NBEAL2: variants seen among roughly 807,000 people sequenced by gnomAD.
NBEAL2 encodes the protein neurobeachin-like protein 2.
NBEAL2 carries 160 observed loss-of-function variants against 299.8 expected under a neutral mutation model. The observed-to-expected ratio is 0.53, with a 90% CI of 0.47 to 0.61. The LOEUF is 0.61. NBEAL2 is among the 20% of genes least tolerant of loss of function. The pLI, the probability that NBEAL2 is intolerant of heterozygous loss-of-function variation, is 0.00. For synonymous variants in NBEAL2, 1,493 were observed against 1,542.3 expected, an observed-to-expected ratio of 0.97 and a Z score of 0.75; for missense variants, 3,112 against 3,649.0, an observed-to-expected ratio of 0.85 and a Z score of 3.79.
Position 46,991,394 on chromosome 3 carries a change from C to G in NBEAL2, c.643-12C>G. The G allele has an allele frequency of 1.3e-6, 2 of 1,596,692 alleles. No individual in the cohort carries two copies. Among genetic ancestry groups the G allele is most frequent in the East Asian group, 4.5e-5 (2 of 44,172 alleles). On this transcript the variant is annotated splice_polypyrimidine_tract_variant and intron_variant, in intron 7 of 53. Coordinates refer to ENST00000450053, the MANE Select transcript of NBEAL2 (RefSeq NM_015175.3). This position sits in a 1 kb window ranked among gnomAD's most constrained non-coding sequence, Gnocchi z 6.2. ...CCCCTTGCCCACTGCCCATCTCTGT[C>G]CACACCTGCAGGAGAACGGGCAGAT...
intron 1 of NBEAL2, among the ~76,000 whole-genome samples, chr3:46,983,516 G>T (rs577463145): frequency 6.6e-6 from 1 of 152,130 alleles, no homozygotes; most frequent in African/African-American, 2.4e-5. Context: ...CACTATGTTG[G>T]CTAGGCTGCT....
Position 47,008,576 on chromosome 3 carries a change from C to G in NBEAL2, c.7935C>G (p.Pro2645=). The G allele has an allele frequency of 6.2e-7, 1 of 1,613,684 alleles. No homozygotes were observed. Among genetic ancestry groups the G allele is most frequent in the Admixed American group, 1.7e-5 (1 of 60,030 alleles). ...ATGGGAAGTTGCGGGCTTCACTGCC[C>G]CTGGCAGAGCAGCCTACAGCCCTGA... is the stretch of plus-strand genomic sequence containing the variant. ...SVNGKLRASL[P]LAEQPTALTV... Residue 2645 remains proline (P), a synonymous_variant, in exon 52 of 54, where the codon CCC becomes CCG. Transcript: ENST00000450053.
At position 46,983,616 on chromosome 3, in the gene NBEAL2, T is replaced by C. The variant is rs186745739; in HGVS notation, c.51+3704T>C. ...AGCCACCGCACCTGGCTTTATCTGGTCATATCCTTTTTGGGCTTCAGTTTA... is the reference window on the plus strand; with the variant it reads ...AGCCACCGCACCTGGCTTTATCTGGCCATATCCTTTTTGGGCTTCAGTTTA... On this transcript the variant is annotated intron_variant, in intron 1 of 53. Transcript: ENST00000450053. Among the ~76,000 whole-genome samples the C allele has an allele frequency of 1.6e-4, 25 of 152,252 alleles. 1 individual carries two copies. The East Asian group carries it at 4.6e-3, about 28-fold the overall frequency.
rs747127973 is a variant in NBEAL2 at position 47,003,186 on chromosome 3, T to A, written c.5597T>A (p.Leu1866Gln). The A allele has an allele frequency of 1.2e-6, 2 of 1,609,144 alleles. No homozygotes were observed. The highest frequency in any genetic ancestry group is 2.2e-5 in the South Asian group (2 of 90,844). The change falls in exon 35 of 54, where the codon CTG becomes CAG. Residue 1866 changes from leucine (L) to glutamine (Q), a missense_variant. By Grantham distance (113) the Leu-to-Gln change is moderately radical. Transcript: ENST00000450053. The surrounding 1 kb of genome is among the most constrained non-coding windows in gnomAD (Gnocchi z 7.0). ...TGGCCCCTTGCAGGTGAGGTTCCCC[T>A]GACACCCACCGAGGAGGCCTCACTG... ...ALRDNLGEVP[L>Q]TPTEEASLPL... is the part of the protein sequence containing the mutation.
chr3:46,996,853 G>A lies in NBEAL2; in HGVS notation c.2556+20G>A, dbSNP rs904080893. 3.1e-6 allele frequency: 5 copies of A among 1,612,040 alleles called. No individual in the cohort carries two copies. In the African/African-American group the frequency reaches 6.7e-5, roughly 22 times the overall value. ...CCTCAGGTATTTGGGGGCCCCAGGG[G>A]AGTGGTTGGCTCGACTGTGCTACTT... On this transcript the variant is annotated intron_variant, in intron 17 of 53. Coordinates refer to ENST00000450053, the MANE Select transcript of NBEAL2 (RefSeq NM_015175.3).
At position 47,000,464 on chromosome 3, in the gene NBEAL2, C is replaced by T. The variant is rs948235833; in HGVS notation, c.4305+60C>T. 1.2e-5 allele frequency: 18 copies of T among 1,525,792 alleles called. No individual in the cohort carries two copies. The African/African-American group carries it at 1.4e-4, about 12-fold the overall frequency. The allele number at this position is 1,525,792 out of a possible 1,614,324, so 94.5% of individuals were successfully genotyped here. On this transcript the variant is annotated intron_variant, in intron 27 of 53. Transcript: ENST00000450053. The surrounding 1 kb of genome is among the most constrained non-coding windows in gnomAD (Gnocchi z 4.5). ...CCCAAGGGAGGACACTTCTGGTACA[C>T]AGGGCTGGCAGTGTAGCCTCTCCAA...
rs1365802888 is a variant in NBEAL2 at position 46,989,633 on chromosome 3, A to G, written c.556+40A>G. On this transcript the variant is annotated intron_variant, in intron 6 of 53. Coordinates refer to ENST00000450053, the MANE Select transcript of NBEAL2 (RefSeq NM_015175.3). This position sits in a 1 kb window ranked among gnomAD's most constrained non-coding sequence, Gnocchi z 5.5. ...CTGCCCCCACTTGGCTCCACCCCCA[A>G]ACCTAGGCCCCTTCCTGTCGTTCCT... is the stretch of plus-strand genomic sequence containing the variant. 1 of 1,514,644 alleles carries G rather than the reference A, an allele frequency of 6.6e-7. No individual in the cohort carries two copies. The highest frequency in any genetic ancestry group is 2.4e-5 in the East Asian group (1 of 41,030). The allele number at this position is 1,514,644 out of a possible 1,614,324, so 93.8% of individuals were successfully genotyped here.
intron 47 of NBEAL2, 48 bp from the exon 48 acceptor site, chr3:47,007,477 C>G: frequency 6.3e-7 from 1 of 1,582,030 alleles, no homozygotes; most frequent in Non-Finnish European, 8.6e-7. Flanking sequence ...GGGCCTGGGT[C>G]TCTTCCATGT....
Position 46,989,514 on chromosome 3 carries a change from A to C in NBEAL2, c.477A>C (p.Glu159Asp), listed in dbSNP as rs1449152297. The C allele has an allele frequency of 6.3e-7, 1 of 1,590,540 alleles. No homozygotes were observed. Residue 159 changes from glutamate to aspartate, a missense_variant, in exon 6 of 54, where the codon GAA (glutamate) becomes GAC (aspartate). Physicochemically the swap from Glu to Asp is conservative, Grantham distance 45. Transcript: ENST00000450053. The surrounding 1 kb of genome is among the most constrained non-coding windows in gnomAD (Gnocchi z 5.5). ...TACTTGGCCTCACTGCCCCCAGGGA[A>C]GTCATCAGCTCCAAGGAGAAGAGCA... ...YQTWRRQRSG[E>D]VISSKEKSKY... is the part of the protein sequence containing the mutation.
chr3:46,991,426 A>G lies in NBEAL2; in HGVS notation c.663A>G (p.Val221=), dbSNP rs751622960. The G allele has an allele frequency of 2.0e-5, 32 of 1,607,798 alleles. No individual in the cohort carries two copies. Among genetic ancestry groups the G allele is most frequent in the Middle Eastern group, 1.7e-4 (1 of 6,048 alleles). ...AGGKENGQMA[V]SDGSVKGLLS... The stretch of plus-strand genomic sequence containing the variant: ...TGCAGGAGAACGGGCAGATGGCTGT[A>G]AGTGATGGCTCTGTGAAGGGCCTGC... The change falls in exon 8 of 54, where the codon GTA becomes GTG. Residue 221 remains valine (V), a synonymous_variant. Coordinates refer to ENST00000450053, the MANE Select transcript of NBEAL2 (RefSeq NM_015175.3). The surrounding 1 kb of genome is among the most constrained non-coding windows in gnomAD (Gnocchi z 6.2).
rs2107445568 is a variant in NBEAL2 at position 47,006,037 on chromosome 3, A to G, written c.6893A>G (p.Asn2298Ser). ...GGGCCAGCCGCCGAGGAGGCCCTCA[A>G]TGTCTTCTATTACTGCACCTATGAG... Reference protein sequence around the residue: ...QRGPAAEEALNVFYYCTYEGA... With the variant: ...QRGPAAEEALSVFYYCTYEGA... The change falls in exon 43 of 54, where the codon AAT becomes AGT. Residue 2298 changes from asparagine (N) to serine (S), a missense_variant. Physicochemically the swap from Asn to Ser is conservative, Grantham distance 46. This residue lies in a region of NBEAL2 where 521 missense variants were observed against 729.6 expected (regional missense o/e 0.71). Coordinates refer to ENST00000450053, the MANE Select transcript of NBEAL2 (RefSeq NM_015175.3). 2 of 1,613,782 alleles carry G rather than the reference A, an allele frequency of 1.2e-6. No individual in the cohort carries two copies. Among genetic ancestry groups the G allele is most frequent in the South Asian group, 1.1e-5 (1 of 91,082 alleles).
chr3:46,998,198 G>A lies in NBEAL2; in HGVS notation c.3090G>A (p.Trp1030Ter). The change falls in exon 21 of 54, where the codon TGG (tryptophan) becomes TGA (stop). Residue 1030 changes from tryptophan to a stop codon, truncating the protein, a stop_gained. Coordinates refer to ENST00000450053, the MANE Select transcript of NBEAL2 (RefSeq NM_015175.3). LOFTEE classifies it high-confidence loss of function. Reference sequence around the variant, plus strand: ...ATTTGCTCTTCAACTTTCACCTCTGGACCCTCAGTGACTTCGCCGTGCGCC... The same window carrying A: ...ATTTGCTCTTCAACTTTCACCTCTGAACCCTCAGTGACTTCGCCGTGCGCC... ...YQHLLFNFHL[W>*]TLSDFAVRLG... 6.2e-7 allele frequency: 1 copy of A among 1,610,476 alleles called. No homozygotes were observed. Among genetic ancestry groups the A allele is most frequent in the Non-Finnish European group, 8.5e-7 (1 of 1,178,578 alleles).
At chr3:46,994,377 T>C in intron 11 of NBEAL2, 78 bp from the exon 12 acceptor site, 1 of 1,350,492 alleles carries the variant, frequency 7.4e-7, no homozygotes, top group South Asian at 1.3e-5. Flanking sequence ...ATGATGCCCC[T>C]CCAGAGTTTC....
rs1213090595 is a variant in NBEAL2, at chr3:47,007,810, A to C, written c.7508-6A>C. The C allele has an allele frequency of 1.2e-6, 2 of 1,612,874 alleles. No homozygotes were observed. Among genetic ancestry groups the C allele is most frequent in the Admixed American group, 3.3e-5 (2 of 59,918 alleles). On this transcript the variant is annotated splice_region_variant and splice_polypyrimidine_tract_variant and intron_variant, in intron 48 of 53. Transcript: ENST00000450053. Reference sequence around the variant, plus strand: ...GTTCTGCCTGTACCCTCCCCTTCCCATGCAGATGTAGTAACCTGCCTTGCA... The same window carrying C: ...GTTCTGCCTGTACCCTCCCCTTCCCCTGCAGATGTAGTAACCTGCCTTGCA...
rs1487745485 is a variant in NBEAL2, at chr3:47,006,406, G to C, written c.7091G>C (p.Ser2364Thr). ...GCACGCCTGGACACTAACTCACCTA[G>C]CATCTTCCAGCACCTGGACGAACTC... ...RLARLDTNSP[S>T]IFQHLDELKA... is the part of the protein sequence containing the mutation. The change falls in exon 45 of 54, where the codon AGC becomes ACC. Residue 2364 changes from serine (S) to threonine (T), a missense_variant. Coordinates refer to ENST00000450053, the MANE Select transcript of NBEAL2 (RefSeq NM_015175.3). The C allele has an allele frequency of 1.9e-6, 3 of 1,593,780 alleles. No individual in the cohort carries two copies. The highest frequency in any genetic ancestry group is 2.3e-5 in the East Asian group (1 of 44,018).
chr3:47,007,937 G>C (rs781388375), intron 49 of NBEAL2, 27 bp downstream of exon 49: 1 of 1,600,896 alleles, frequency 6.2e-7, no homozygotes, highest in Admixed American at 1.7e-5. Context: ...GCTCTGTGGG[G>C]CCCCCGTAGC....
In NBEAL2 at chr3:46,988,575, A is replaced by G. The variant is rs1366538262; in HGVS notation, c.52-94A>G. On this transcript the variant is annotated intron_variant, in intron 1 of 53. Coordinates refer to ENST00000450053, the MANE Select transcript of NBEAL2 (RefSeq NM_015175.3). The surrounding 1 kb of genome is among the most constrained non-coding windows in gnomAD (Gnocchi z 4.4). ...TTGTCCATGCCCTCTGTCCACCTCCATTCATTCTTCGCCTCTGTCTACATC... is the reference window on the plus strand; with the variant it reads ...TTGTCCATGCCCTCTGTCCACCTCCGTTCATTCTTCGCCTCTGTCTACATC... The G allele has an allele frequency of 3.3e-6, 3 of 898,114 alleles. No homozygotes were observed. The highest frequency in any genetic ancestry group is 4.9e-6 in the Non-Finnish European group (3 of 611,468). 55.6% of individuals were successfully genotyped at this position (898,114 alleles called of 1,614,324 possible).
At chr3:46,987,582 A>T (rs2035752763) in intron 1 of NBEAL2, among the ~76,000 whole-genome samples, 1 of 152,182 alleles carries the variant, frequency 6.6e-6, no homozygotes, top group African/African-American at 2.4e-5. Context: ...TGGCCAGGAC[A>T]TGGCGGGCGG....
chr3:46,985,678 G>A (rs937204471), intron 1 of NBEAL2, among the ~76,000 whole-genome samples: 7 of 152,154 alleles, frequency 4.6e-5, no homozygotes, highest in Admixed American at 4.6e-4. Flanking sequence ...CCTGCTGCAG[G>A]ACCTGGGCAT....
Sources: allele counts gnomAD v4.1 joint callset (sites outside exome capture counted in the v4.1 genomes callset), GRCh38; gene constraint gnomAD v4.1.1; regional missense constraint gnomAD v4.1.1; non-coding constraint Gnocchi (gnomAD v3.1); transcripts MANE v1.5; gene names NCBI Gene and HGNC (gene_info 2026-07-23, HGNC 2026-07-21).